NRK: variants seen among roughly 807,000 people sequenced by gnomAD.
NRK encodes nik-related protein kinase.
NRK carries 67 observed loss-of-function variants against 125.2 expected under a neutral mutation model. That is an observed-to-expected ratio of 0.54 (90% CI 0.44 to 0.66). The LOEUF is 0.66. Ranked by LOEUF, NRK falls within the 30% of genes least tolerant of loss-of-function variation. The pLI is 0.00. For missense variants in NRK, 1,224 were observed against 1,192.9 expected, an observed-to-expected ratio of 1.03 and a Z score of -0.38; for synonymous variants, 458 against 429.0, an observed-to-expected ratio of 1.07 and a Z score of -0.84.
At chrX:105,903,104 G>T (rs2040180285) in intron 9 of NRK, among the ~76,000 whole-genome samples, 1 of 111,222 alleles carries the variant, frequency 9.0e-6, no homozygotes, top group South Asian at 3.9e-4. Flanking sequence ...GTGGTTTTTA[G>T]TCTCTATCTT....
chrX:105,924,334 ATCAT>A (rs1481282794), intron 18 of NRK, among the ~76,000 whole-genome samples: 1 of 111,461 alleles, frequency 9.0e-6, no homozygotes, highest in Non-Finnish European at 1.9e-5. Context: ...CATAGGCTTA[ATCAT>A]TCATGTGTCT....
Position 105,908,228 on chromosome X carries a change from T to C in NRK, c.1022-12T>C, listed in dbSNP as rs1308602672. On this transcript the variant is annotated splice_polypyrimidine_tract_variant and intron_variant, in intron 11 of 28. Coordinates refer to ENST00000243300, the MANE Select transcript of NRK (RefSeq NM_198465.4). ...TGTTTATGCATTATGTTTTTCTCTTTTGTAAAAAAAGGAATACCTTTGATC... is the reference window on the plus strand; with the variant it reads ...TGTTTATGCATTATGTTTTTCTCTTCTGTAAAAAAAGGAATACCTTTGATC... 2.9e-6 allele frequency: 3 copies of C among 1,028,023 alleles called. No individual in the cohort carries two copies. The African/African-American group carries it at 5.8e-5, about 20-fold the overall frequency. The allele number at this position is 1,028,023 out of a possible 1,213,427, so 84.7% of individuals were successfully genotyped here.
chrX:105,953,062 A>T lies in NRK; in HGVS notation c.4542A>T (p.Gly1514=). The change falls in exon 28 of 29, where the codon GGA becomes GGT. Residue 1514 remains glycine, a synonymous_variant. Coordinates refer to ENST00000243300, the MANE Select transcript of NRK (RefSeq NM_198465.4). ...IAFECTQRTT[G]WGQKAIEVRS... Reference sequence around the variant, plus strand: ...TTGAATGTACACAGCGAACCACAGGATGGGGCCAAAAGGCCATTGAAGTGC... The same window carrying T: ...TTGAATGTACACAGCGAACCACAGGTTGGGGCCAAAAGGCCATTGAAGTGC... 1 of 1,190,535 alleles carries T rather than the reference A, an allele frequency of 8.4e-7. No homozygotes were observed. The highest frequency in any genetic ancestry group is 1.1e-6 in the Non-Finnish European group (1 of 881,046).
At chrX:105,828,265 T>G (rs2039141657) in intron 1 of NRK, among the ~76,000 whole-genome samples, 1 of 112,122 alleles carries the variant, frequency 8.9e-6, no homozygotes, top group South Asian at 3.7e-4. Flanking sequence ...TTTAAAATGT[T>G]CTTTTATTAA....
In NRK at chrX:105,905,441, C is replaced by T. The variant is rs750054391; in HGVS notation, c.845+98C>T. Reference sequence around the variant, plus strand: ...ATTTGGTCAGTCCTGCTGCACCATCCTGGTTGGACAATATTTCCTAAAGTC... The same window carrying T: ...ATTTGGTCAGTCCTGCTGCACCATCTTGGTTGGACAATATTTCCTAAAGTC... On this transcript the variant is annotated intron_variant, in intron 10 of 28. Transcript: ENST00000243300. The T allele has an allele frequency of 5.3e-5, 32 of 604,749 alleles. No homozygotes were observed. In the South Asian group the frequency reaches 8.0e-4, roughly 15 times the overall value. The allele number at this position is 604,749 out of a possible 1,213,427, so 49.8% of individuals were successfully genotyped here.
chrX:105,910,581 A>G (rs1353717437), intron 13 of NRK, among the ~76,000 whole-genome samples: 2 of 112,460 alleles, frequency 1.8e-5, no homozygotes, highest in Non-Finnish European at 3.8e-5. Flanking sequence ...ACATGCATCA[A>G]GAATGCAGCA....
intron 12 of NRK, among the ~76,000 whole-genome samples, 153 bp from the exon 13 acceptor site, chrX:105,908,574 T>A (rs190862652): frequency 1.1e-3 from 124 of 112,500 alleles, no homozygotes; most frequent in African/African-American, 3.8e-3. Context: ...TGCAGAATAT[T>A]TCAGACATCA....
At chrX:105,915,653 G>A (rs2040355548) in intron 14 of NRK, 77 bp from the exon 15 acceptor site, 1 of 483,412 alleles carries the variant, frequency 2.1e-6, no homozygotes, top group South Asian at 3.9e-5. Flanking sequence ...ATGAAGACAG[G>A]CATTTTCCCA....
chrX:105,835,456 G>T (rs1347991463), intron 2 of NRK, among the ~76,000 whole-genome samples: 1 of 110,493 alleles, frequency 9.1e-6, no homozygotes, highest in Non-Finnish European at 1.9e-5. Context: ...TGGTGGTGTG[G>T]GCAGGTAGAA....
In NRK at chrX:105,898,622, G is replaced by A; in HGVS notation, c.619G>A (p.Gly207Arg). The change falls in exon 8 of 29, where the codon GGA becomes AGA. Residue 207 changes from glycine (G) to arginine (R), a missense_variant. By Grantham distance (125) the Gly-to-Arg change is moderately radical. Coordinates refer to ENST00000243300, the MANE Select transcript of NRK (RefSeq NM_198465.4). The stretch of plus-strand genomic sequence containing the variant: ...GAGTGCCCAGGTGAGCAGAACTAAT[G>A]GAAGAAGGAATAGTTTCATTGGGAC... The part of the protein sequence containing the change: ...GVSAQVSRTN[G>R]RRNSFIGTPY... 2 of 1,200,587 alleles carry A rather than the reference G, an allele frequency of 1.7e-6. No individual in the cohort carries two copies. Among genetic ancestry groups the A allele is most frequent in the South Asian group, 3.6e-5 (2 of 55,356 alleles).
chrX:105,889,695 A>G (rs1246620137), intron 5 of NRK, among the ~76,000 whole-genome samples: 1 of 112,609 alleles, frequency 8.9e-6, no homozygotes, highest in Non-Finnish European at 1.9e-5. Context: ...ACCATGTGTA[A>G]GCTGCCAAGA....
chrX:105,848,452 A>G (rs1462917664), intron 2 of NRK, among the ~76,000 whole-genome samples: 1 of 112,098 alleles, frequency 8.9e-6, no homozygotes, highest in Non-Finnish European at 1.9e-5. Flanking sequence ...AAATGGTGGT[A>G]ATTCTGATTG....
chrX:105,906,676 A>G, intron 11 of NRK, 87 bp downstream of exon 11: 1 of 511,812 alleles, frequency 2.0e-6, no homozygotes, highest in African/African-American at 2.4e-5. Flanking sequence ...TATTTGTTTA[A>G]GACTTAGATT....
chrX:105,924,937 G>A lies in NRK; in HGVS notation c.3218G>A (p.Gly1073Glu), dbSNP rs2040504239. 8.3e-7 allele frequency: 1 copy of A among 1,210,857 alleles called. No homozygotes were observed. Among genetic ancestry groups the A allele is most frequent in the East Asian group, 3.0e-5 (1 of 33,811 alleles). ...GTCGTTCGAACCAGTGAAGAGAGTG[G>A]AGCCCTTGGACTCAATGGAGAAGAA... is the stretch of plus-strand genomic sequence containing the variant. ...KGVVRTSEES[G>E]ALGLNGEENC... The change falls in exon 19 of 29, where the codon GGA becomes GAA. Residue 1073 changes from glycine to glutamate, a missense_variant. Coordinates refer to ENST00000243300, the MANE Select transcript of NRK (RefSeq NM_198465.4).
intron 19 of NRK, among the ~76,000 whole-genome samples, chrX:105,929,351 T>C (rs1238222158): frequency 8.9e-6 from 1 of 111,861 alleles, no homozygotes; most frequent in Non-Finnish European, 1.9e-5. Context: ...TCTTTTTCCA[T>C]TTCTTCATTT....
chrX:105,942,823 C>G (rs918262327), intron 23 of NRK, among the ~76,000 whole-genome samples: 1 of 110,238 alleles, frequency 9.1e-6, no homozygotes, highest in African/African-American at 3.3e-5. Flanking sequence ...TGGGGTTTCA[C>G]CATGTTGGCC....
In NRK at chrX:105,845,658, C is replaced by T. The variant is rs139335148; in HGVS notation, c.123+14539C>T. Among the ~76,000 whole-genome samples, 26 of 111,893 alleles carry T rather than the reference C, an allele frequency of 2.3e-4. No homozygotes were observed. In the East Asian group the frequency reaches 6.2e-3, roughly 27 times the overall value. On this transcript the variant is annotated intron_variant, in intron 2 of 28. Transcript: ENST00000243300. ...CCATCACAGATTTGCCACCTGACAA[C>T]GTCATGTTAAGAAACAAGAAAGAAA...
At chrX:105,906,766 TG>T (rs1453077152) in intron 11 of NRK, among the ~76,000 whole-genome samples, 177 bp downstream of exon 11, 12 of 48,403 alleles carry the variant, frequency 2.5e-4, no homozygotes, top group Non-Finnish European at 4.1e-4. Context: ...TTCTCTTGCG[TG>T]TGTGTGTGTG....
chrX:105,897,861 G>A (rs1366069135), intron 7 of NRK, among the ~76,000 whole-genome samples: 1 of 110,377 alleles, frequency 9.1e-6, no homozygotes, highest in Admixed American at 9.7e-5. Context: ...AGTTTTGTTC[G>A]CCATCCTCTG....
Sources: gnomAD v4.1 joint callset for allele counts (sites outside exome capture counted in the v4.1 genomes callset) on GRCh38, gnomAD v4.1.1 for gene constraint, MANE v1.5 for transcripts, NCBI Gene and HGNC (gene_info 2026-07-23, HGNC 2026-07-21) for gene names.